FOXN3: variants seen among roughly 807,000 people sequenced by gnomAD.
FOXN3 encodes the protein forkhead box N3.
A neutral mutation model predicts 38.4 loss-of-function variants in FOXN3; 7 were observed. The ratio of observed to expected loss-of-function variants is 0.18; its 90% CI spans 0.10 to 0.34. The LOEUF (loss-of-function observed/expected upper bound fraction) is 0.34. Among genes scored for constraint, FOXN3 ranks in the 10% least tolerant of loss-of-function variants. FOXN3 has a pLI of 1.00. For missense variants in FOXN3, 456 were observed against 613.4 expected (o/e 0.74, Z 2.71); for synonymous variants, 230 against 242.2 (o/e 0.95, Z 0.47).
At chr14:89,322,730 T>C (rs1443477838) in intron 3 of FOXN3, among the ~76,000 whole-genome samples, 1 of 152,014 alleles carries the variant, frequency 6.6e-6, no homozygotes, top group African/African-American at 2.4e-5. Flanking sequence ...ACTAGCCAGG[T>C]ACAGCAGAGG....
intron 1 of FOXN3, among the ~76,000 whole-genome samples, chr14:89,510,115 G>A (rs1894026095): frequency 6.6e-6 from 1 of 152,158 alleles, no homozygotes. Context: ...CACCATGGGG[G>A]AAGATTAGAG....
At chr14:89,515,313 A>G (rs1894179446) in intron 1 of FOXN3, among the ~76,000 whole-genome samples, 1 of 152,196 alleles carries the variant, frequency 6.6e-6, no homozygotes, top group Non-Finnish European at 1.5e-5. Context: ...CCACTAAGAT[A>G]AGGCCACCAT....
At chr14:89,197,556 C>T (rs767337272) in intron 4 of FOXN3, among the ~76,000 whole-genome samples, 6 of 151,850 alleles carry the variant, frequency 4.0e-5, no homozygotes, top group Non-Finnish European at 7.4e-5. Context: ...CTAGGGTGTT[C>T]CCTAGCACCT....
chr14:89,597,734 T>C (rs1239933452), intron 1 of FOXN3, among the ~76,000 whole-genome samples: 1 of 152,168 alleles, frequency 6.6e-6, no homozygotes, highest in African/African-American at 2.4e-5. Context: ...TTATGCGATC[T>C]TTCTTTGGGT....
At chr14:89,250,868 C>G (rs1486172984) in intron 4 of FOXN3, among the ~76,000 whole-genome samples, 2 of 152,170 alleles carry the variant, frequency 1.3e-5, no homozygotes, top group East Asian at 3.8e-4. Context: ...TGCACATGCT[C>G]TCTCTCTTGC....
At chr14:89,260,229 T>A (rs1885754090) in intron 4 of FOXN3, among the ~76,000 whole-genome samples, 2 of 152,240 alleles carry the variant, frequency 1.3e-5, no homozygotes, top group Non-Finnish European at 2.9e-5. Flanking sequence ...CTGAACTAAC[T>A]CCCCAAATAC....
At chr14:89,415,877 C>CACACACACACACACACACACACAG (rs1171448340) in intron 1 of FOXN3, among the ~76,000 whole-genome samples, 18 of 145,646 alleles carry the variant, frequency 1.2e-4, no homozygotes, top group Non-Finnish European at 1.8e-4. Flanking sequence ...CACACACACA[C>CACACACACACACACACACACACAG]ACACACCCTC....
chr14:89,540,041 A>T (rs549578212), intron 1 of FOXN3, among the ~76,000 whole-genome samples: 3 of 152,338 alleles, frequency 2.0e-5, no homozygotes, highest in Admixed American at 1.3e-4. Context: ...ATAGCCAGAT[A>T]TCACGATGCA....
At chr14:89,533,145 A>G (rs2139838718) in intron 1 of FOXN3, among the ~76,000 whole-genome samples, 1 of 152,370 alleles carries the variant, frequency 6.6e-6, no homozygotes, top group South Asian at 2.1e-4. Context: ...TTGGGGCCAC[A>G]TAAACTCAAA....
At chr14:89,437,592 G>C (rs1892298562) in intron 1 of FOXN3, among the ~76,000 whole-genome samples, 2 of 152,154 alleles carry the variant, frequency 1.3e-5, no homozygotes, top group Admixed American at 1.3e-4. Context: ...ACTCCCACCA[G>C]TGCCATGAGA....
Position 89,411,928 on chromosome 14 carries a change from G to T in FOXN3, c.543+6C>A. On this transcript the variant is annotated splice_donor_region_variant and intron_variant, in intron 2 of 5. Transcript: ENST00000557258. Reference sequence around the variant, plus strand: ...AAAACCTTGGGTTCCAGACACAGAGGCTTACCTGACTCCTCTCTTTGTCCA... The same window carrying T: ...AAAACCTTGGGTTCCAGACACAGAGTCTTACCTGACTCCTCTCTTTGTCCA... 6.9e-7 allele frequency: 1 copy of T among 1,444,894 alleles called. No individual in the cohort carries two copies. Among genetic ancestry groups the T allele is most frequent in the Non-Finnish European group, 9.2e-7 (1 of 1,088,706 alleles). 89.5% of individuals were successfully genotyped at this position (1,444,894 alleles called of 1,614,324 possible). A position where few individuals can be genotyped will look rare whatever the true frequency, so the allele number is the denominator to read the frequency against.
At chr14:89,483,688 G>A (rs1457424362) in intron 1 of FOXN3, among the ~76,000 whole-genome samples, 5 of 152,168 alleles carry the variant, frequency 3.3e-5, no homozygotes, top group African/African-American at 9.7e-5. Flanking sequence ...GATTACAGGC[G>A]TGAGCCACTG....
intron 1 of FOXN3, among the ~76,000 whole-genome samples, chr14:89,562,535 C>T (rs61309098): frequency 0.014 from 2,102 of 152,210 alleles, 32 homozygotes; most frequent in African/African-American, 0.048. Flanking sequence ...GCTGGGATTA[C>T]GGGTGTGAGC....
At chr14:89,366,313 G>A (rs1890150174) in intron 2 of FOXN3, among the ~76,000 whole-genome samples, 1 of 151,170 alleles carries the variant, frequency 6.6e-6, no homozygotes, top group East Asian at 1.9e-4. Context: ...GAAAAGTTTT[G>A]TCTCCTGATA....
rs8019397 is a variant in FOXN3 at position 89,324,626 on chromosome 14, G to A, written c.680+26046C>T. On this transcript the variant is annotated intron_variant, in intron 3 of 5. Transcript: ENST00000557258. ...TATGAGGAGGAATACACAAAACAGC[G>A]TTTCATCCTAAGATGACAGCTACAG... Among the ~76,000 whole-genome samples, 1,184 of 152,204 alleles carry A rather than the reference G, an allele frequency of 7.8e-3. 15 individuals carry two copies. Among genetic ancestry groups the A allele is most frequent in the East Asian group, 0.025 (127 of 5,182 alleles).
At chr14:89,373,821 T>C (rs746829971) in intron 2 of FOXN3, among the ~76,000 whole-genome samples, 1 of 152,188 alleles carries the variant, frequency 6.6e-6, no homozygotes, top group Admixed American at 6.5e-5. Flanking sequence ...AAAGTTTTAC[T>C]ATTCAAACTA....
chr14:89,448,029 G>C (rs1341879592), intron 1 of FOXN3, among the ~76,000 whole-genome samples: 4 of 151,774 alleles, frequency 2.6e-5, no homozygotes, highest in Non-Finnish European at 5.9e-5. Flanking sequence ...GGTCAGGCTG[G>C]TCTCGAACTC....
intron 4 of FOXN3, among the ~76,000 whole-genome samples, chr14:89,200,942 T>C (rs1596098928): frequency 6.6e-6 from 1 of 152,266 alleles, no homozygotes; most frequent in East Asian, 1.9e-4. Flanking sequence ...AAATCTAAAC[T>C]TCTAGATTTG....
At chr14:89,414,337 C>A (rs189653599) in intron 1 of FOXN3, among the ~76,000 whole-genome samples, 1 of 151,844 alleles carries the variant, frequency 6.6e-6, no homozygotes, top group East Asian at 2.0e-4. Flanking sequence ...AAAGACATGA[C>A]CCTTCTATGT....
Sources: gnomAD v4.1 joint callset for allele counts (sites outside exome capture counted in the v4.1 genomes callset) on GRCh38, gnomAD v4.1.1 for gene constraint, MANE v1.5 for transcripts, NCBI Gene and HGNC (gene_info 2026-07-23, HGNC 2026-07-21) for gene names.